Variants in FAM219A observed in about 807,000 individuals in gnomAD.
FAM219A encodes the protein protein FAM219A.
In FAM219A, 7 loss-of-function variants were observed where a neutral mutation model predicts 23.4. The ratio of observed to expected loss-of-function variants is 0.30; its 90% confidence interval spans 0.17 to 0.56. The LOEUF is 0.56. Among genes scored for constraint, FAM219A ranks in the 20% least tolerant of loss-of-function variants. The pLI, the probability that FAM219A is intolerant of heterozygous loss-of-function variation, is 0.92. For synonymous variants in FAM219A, 93 were observed against 99.0 expected (o/e 0.94, Z 0.36); for missense variants, 166 against 246.9 (o/e 0.67, Z 2.20).
intron 1 of FAM219A, 120 bp from the exon 2 acceptor site, chr9:34,406,084 G>C: frequency 9.4e-7 from 1 of 1,065,194 alleles, no homozygotes; most frequent in African/African-American, 1.6e-5. Flanking sequence ...TCACCCCTCA[G>C]AGCAGGCAGG....
intron 1 of FAM219A, among the ~76,000 whole-genome samples, chr9:34,449,280 G>C (rs1421259892): frequency 1.3e-5 from 2 of 152,126 alleles, no homozygotes; most frequent in Non-Finnish European, 2.9e-5. Context: ...AAGGCTGTAG[G>C]AGACAGAGTG....
Position 34,457,901 on chromosome 9 carries a change from G to T in FAM219A, c.60+303C>A, listed in dbSNP as rs1173972218. On this transcript the variant is annotated intron_variant, in intron 1 of 5. Transcript: ENST00000651358. The surrounding 1 kb of genome is among the most constrained non-coding windows in gnomAD (Gnocchi z 5.1). Reference sequence around the variant, plus strand: ...GGCGGTGCCCCATGGCAGTTCCCTCGCCAGTCCCTGCTATGGGCCTCCACT... The same window carrying T: ...GGCGGTGCCCCATGGCAGTTCCCTCTCCAGTCCCTGCTATGGGCCTCCACT... Among the ~76,000 whole-genome samples the T allele has an allele frequency of 2.0e-5, 3 of 152,098 alleles. No homozygotes were observed. The East Asian group carries it at 5.8e-4, about 29-fold the overall frequency.
chr9:34,456,343 C>G (rs1485397180), intron 1 of FAM219A, among the ~76,000 whole-genome samples: 1 of 152,236 alleles, frequency 6.6e-6, no homozygotes, highest in Non-Finnish European at 1.5e-5. Flanking sequence ...CTCAAGAGTT[C>G]TCTACCCAGC....
In FAM219A at chr9:34,416,619, G is replaced by T. The variant is rs1156718357; in HGVS notation, c.61-10655C>A. Among the ~76,000 whole-genome samples, 3 of 151,846 alleles carry T rather than the reference G, an allele frequency of 2.0e-5. No homozygotes were observed. In the East Asian group the frequency reaches 5.8e-4, roughly 29 times the overall value. ...TCTCTACTAAAAAATATAAAAATTA[G>T]CTGGGTGTGGTGGGGTGCTGAGGCA... is the stretch of plus-strand genomic sequence containing the variant. On this transcript the variant is annotated intron_variant, in intron 1 of 5. Coordinates refer to ENST00000651358, the MANE Select transcript of FAM219A (RefSeq NM_001184940.2).
In FAM219A at chr9:34,405,852, C is replaced by T. The variant is rs778626103; in HGVS notation, c.160+13G>A. ...TACTCCCCACATCTCCCTCACCCCC[C>T]AGACACACTCACCCAGCTTCACTTG... On this transcript the variant is annotated intron_variant, in intron 2 of 5. Transcript: ENST00000651358. 4 of 1,613,574 alleles carry T rather than the reference C, an allele frequency of 2.5e-6. No individual in the cohort carries two copies. The highest frequency in any genetic ancestry group is 1.1e-5 in the South Asian group (1 of 91,044).
At chr9:34,408,692 G>A (rs1821725601) in intron 1 of FAM219A, among the ~76,000 whole-genome samples, 1 of 152,096 alleles carries the variant, frequency 6.6e-6, no homozygotes, top group Admixed American at 6.5e-5. Flanking sequence ...TCTCCTTGGG[G>A]AGCCCTGATG....
chr9:34,433,467 G>A (rs973359735), intron 1 of FAM219A, among the ~76,000 whole-genome samples: 8 of 152,128 alleles, frequency 5.3e-5, no homozygotes, highest in African/African-American at 1.9e-4. Context: ...TCCCCACCTT[G>A]TCTCCTCTTC....
intron 1 of FAM219A, among the ~76,000 whole-genome samples, chr9:34,411,733 A>C (rs1180414770): frequency 2.6e-5 from 4 of 152,044 alleles, no homozygotes. Context: ...ATCTTTAAGA[A>C]GTTCCCAATA....
chr9:34,418,896 C>A (rs564958025), intron 1 of FAM219A, among the ~76,000 whole-genome samples: 3 of 152,168 alleles, frequency 2.0e-5, no homozygotes, highest in South Asian at 4.1e-4. Flanking sequence ...ACAGCGAAAC[C>A]CTGTCTCTAC....
intron 5 of FAM219A, 62 bp from the exon 6 acceptor site, chr9:34,401,184 C>T (rs1821413025): frequency 1.4e-5 from 22 of 1,579,120 alleles, no homozygotes; most frequent in South Asian, 2.3e-5. Flanking sequence ...CACAGCTCTG[C>T]GGCCACTCCA....
At chr9:34,418,407 C>T (rs116900216) in intron 1 of FAM219A, among the ~76,000 whole-genome samples, 99 of 152,272 alleles carry the variant, frequency 6.5e-4, no homozygotes, top group Non-Finnish European at 1.2e-3. Context: ...GGATAAATAC[C>T]TCAACTCAGG....
At chr9:34,439,680 C>T (rs551636373) in intron 1 of FAM219A, among the ~76,000 whole-genome samples, 8 of 151,996 alleles carry the variant, frequency 5.3e-5, no homozygotes, top group Admixed American at 2.0e-4. Context: ...GAACATTATG[C>T]GCAAAGGCCC....
intron 1 of FAM219A, among the ~76,000 whole-genome samples, chr9:34,442,223 C>G (rs973611227): frequency 5.9e-5 from 9 of 152,148 alleles, no homozygotes; most frequent in South Asian, 4.1e-4. Flanking sequence ...TGCAAAAATA[C>G]AGGAGACAGA....
At chr9:34,409,433 C>T (rs1462860073) in intron 1 of FAM219A, among the ~76,000 whole-genome samples, 1 of 152,114 alleles carries the variant, frequency 6.6e-6, no homozygotes, top group African/African-American at 2.4e-5. Flanking sequence ...TTTAAAGTGC[C>T]CCCCAAGGAC....
At chr9:34,421,044 G>GAC (rs770336544) in intron 1 of FAM219A, among the ~76,000 whole-genome samples, 24 of 146,970 alleles carry the variant, frequency 1.6e-4, no homozygotes, top group Admixed American at 3.4e-4. Context: ...GAGAGAGAGA[G>GAC]AATGGCTCTG....
intron 1 of FAM219A, among the ~76,000 whole-genome samples, chr9:34,445,933 G>A (rs1287928351): frequency 6.6e-6 from 1 of 152,224 alleles, no homozygotes; most frequent in Non-Finnish European, 1.5e-5. Flanking sequence ...CCAGCACTTT[G>A]GGAGTCCGAG....
At chr9:34,427,713 C>T (rs576706275) in intron 1 of FAM219A, among the ~76,000 whole-genome samples, 1 of 152,194 alleles carries the variant, frequency 6.6e-6, no homozygotes, top group African/African-American at 2.4e-5. Context: ...CCTGACCTAT[C>T]AGACCATGCT....
At chr9:34,454,247 C>T (rs1823656986) in intron 1 of FAM219A, among the ~76,000 whole-genome samples, 1 of 152,180 alleles carries the variant, frequency 6.6e-6, no homozygotes, top group South Asian at 2.1e-4. Flanking sequence ...ACCATCCTGG[C>T]CAACATGGTG....
chr9:34,455,465 A>ATT (rs11394221), intron 1 of FAM219A, among the ~76,000 whole-genome samples: 15,700 of 129,588 alleles, frequency 0.12, 1,131 homozygotes, highest in Non-Finnish European at 0.15. Flanking sequence ...TGCTATCTTG[A>ATT]TTTTTTTTTT....
Sources: gnomAD v4.1 joint callset for allele counts (sites outside exome capture counted in the v4.1 genomes callset) on GRCh38, gnomAD v4.1.1 for gene constraint, Gnocchi (gnomAD v3.1) non-coding constraint, MANE v1.5 for transcripts, NCBI Gene and HGNC (gene_info 2026-07-23, HGNC 2026-07-21) for gene names.